PARM1: variants seen among roughly 807,000 people sequenced by gnomAD.
PARM1 encodes the protein prostate androgen-regulated mucin-like protein 1.
Under a neutral mutation model 24.6 loss-of-function variants are expected in PARM1, and 14 were observed. The ratio of observed to expected loss-of-function variants is 0.57; its 90% CI spans 0.38 to 0.89. The LOEUF is 0.89. PARM1 is among the 40% of genes least tolerant of loss of function. The pLI, the probability that PARM1 is intolerant of heterozygous loss-of-function variation, is 0.00. For synonymous variants in PARM1, 179 were observed against 156.6 expected (o/e 1.14, Z -1.07); for missense variants, 362 against 380.4 (o/e 0.95, Z 0.40).
intron 3 of PARM1, among the ~76,000 whole-genome samples, chr4:75,038,394 G>C (rs1723412526): frequency 6.6e-6 from 1 of 152,200 alleles, no homozygotes; most frequent in South Asian, 2.1e-4. Context: ...GTAGTTTTTA[G>C]AACAGTGCTT....
intron 1 of PARM1, among the ~76,000 whole-genome samples, chr4:74,961,004 C>CAAAAAAAAAAAAAAAAAA (rs1161009878): frequency 1.0e-5 from 1 of 95,592 alleles, no homozygotes; most frequent in African/African-American, 3.8e-5. Context: ...GACTCCGTCT[C>CAAAAAAAAAAAAAAAAAA]AAAAAAAAAA....
Position 75,012,780 on chromosome 4 carries a change from C to A in PARM1, c.399C>A (p.Gly133=). Residue 133 remains glycine (G), a synonymous_variant, in exon 2 of 4, where the codon GGC becomes GGA. Coordinates refer to ENST00000307428, the MANE Select transcript of PARM1 (RefSeq NM_015393.4). Reference sequence around the variant, plus strand: ...ACAGCTCGGGCACTCCTGAAGCAGGCGTGGCAGCTACACTGTCGCAGTCCG... The same window carrying A: ...ACAGCTCGGGCACTCCTGAAGCAGGAGTGGCAGCTACACTGTCGCAGTCCG... ...EEHSSGTPEA[G]VAATLSQSAA... 2.5e-6 allele frequency: 4 copies of A among 1,613,992 alleles called. No individual in the cohort carries two copies. Among genetic ancestry groups the A allele is most frequent in the Non-Finnish European group, 3.4e-6 (4 of 1,179,884 alleles).
At chr4:74,991,498 C>G (rs1317093234) in intron 1 of PARM1, among the ~76,000 whole-genome samples, 1 of 151,384 alleles carries the variant, frequency 6.6e-6, no homozygotes, top group Admixed American at 6.6e-5. Flanking sequence ...ATTCCTGAGG[C>G]AGAGTACCAG....
At chr4:75,031,699 A>G (rs1257388751) in intron 2 of PARM1, among the ~76,000 whole-genome samples, 1 of 152,220 alleles carries the variant, frequency 6.6e-6, no homozygotes, top group Non-Finnish European at 1.5e-5. Context: ...ATATTAAACT[A>G]TCCCTGGAGC....
At chr4:74,978,613 AATAG>A (rs1722184295) in intron 1 of PARM1, among the ~76,000 whole-genome samples, 1 of 152,218 alleles carries the variant, frequency 6.6e-6, no homozygotes, top group Non-Finnish European at 1.5e-5. Context: ...AAATGGAGCT[AATAG>A]ATATATACAA....
chr4:75,003,879 T>A (rs959637788), intron 1 of PARM1, among the ~76,000 whole-genome samples: 4 of 150,166 alleles, frequency 2.7e-5, no homozygotes, highest in African/African-American at 9.7e-5. Context: ...CATTTTAACA[T>A]TCTCTCTCTC....
At chr4:75,038,590 TC>T (rs1425157447) in intron 3 of PARM1, among the ~76,000 whole-genome samples, 1 of 152,238 alleles carries the variant, frequency 6.6e-6, no homozygotes, top group African/African-American at 2.4e-5. Flanking sequence ...TCTTCCATGT[TC>T]CAGTTTGGCA....
At chr4:75,007,058 G>A (rs1029598026) in intron 1 of PARM1, among the ~76,000 whole-genome samples, 2 of 152,118 alleles carry the variant, frequency 1.3e-5, no homozygotes, top group Non-Finnish European at 2.9e-5. Context: ...TCAAAAAGTG[G>A]GCGAAGGATA....
intron 2 of PARM1, among the ~76,000 whole-genome samples, chr4:75,023,309 C>A (rs1723122347): frequency 6.6e-6 from 1 of 152,210 alleles, no homozygotes; most frequent in Non-Finnish European, 1.5e-5. Context: ...CCATTTTCCT[C>A]ATCTATATGA....
intron 1 of PARM1, among the ~76,000 whole-genome samples, chr4:74,997,072 GC>G (rs1722588370): frequency 1.3e-5 from 2 of 152,182 alleles, no homozygotes; most frequent in African/African-American, 4.8e-5. Flanking sequence ...CAGCCCCCTA[GC>G]TACACCAGGC....
intron 1 of PARM1, among the ~76,000 whole-genome samples, chr4:74,950,723 T>C (rs1721505611): frequency 6.6e-6 from 1 of 152,250 alleles, no homozygotes; most frequent in Non-Finnish European, 1.5e-5. Context: ...CAAGATAGCA[T>C]TCACTATCAC....
At chr4:75,020,019 A>C in intron 2 of PARM1, among the ~76,000 whole-genome samples, 1 of 132,448 alleles carries the variant, frequency 7.6e-6, no homozygotes, top group African/African-American at 4.1e-5. Flanking sequence ...CAAAAAAAAA[A>C]AAAAAAAAAA....
chr4:74,956,205 G>C (rs1721629746), intron 1 of PARM1: 1 of 152,226 alleles, frequency 6.6e-6, no homozygotes, highest in Non-Finnish European at 1.5e-5. Flanking sequence ...AAGTCAGAGA[G>C]AAAAGTGCAG....
At position 74,964,797 on chromosome 4, in the gene PARM1, A is replaced by G. The variant is rs1036554151; in HGVS notation, c.43+31427A>G. Among the ~76,000 whole-genome samples the G allele has an allele frequency of 4.6e-5, 7 of 152,190 alleles. No individual in the cohort carries two copies. The East Asian group carries it at 5.8e-4, about 13-fold the overall frequency. On this transcript the variant is annotated intron_variant, in intron 1 of 3. Coordinates refer to ENST00000307428, the MANE Select transcript of PARM1 (RefSeq NM_015393.4). Reference sequence around the variant, plus strand: ...CATAAGTAAATAAAAGAAAAACTCTATTAATAGGTAGTGACTAGCAACTAA... The same window carrying G: ...CATAAGTAAATAAAAGAAAAACTCTGTTAATAGGTAGTGACTAGCAACTAA...
At chr4:74,977,807 A>C (rs1722168303) in intron 1 of PARM1, among the ~76,000 whole-genome samples, 1 of 152,222 alleles carries the variant, frequency 6.6e-6, no homozygotes, top group South Asian at 2.1e-4. Context: ...ATTGGGGGCC[A>C]ACATCAACAT....
At chr4:75,015,104 A>G (rs1331675753) in intron 2 of PARM1, among the ~76,000 whole-genome samples, 2 of 152,178 alleles carry the variant, frequency 1.3e-5, no homozygotes, top group Non-Finnish European at 2.9e-5. Context: ...TGTCCCCTTC[A>G]GGATACTTTA....
chr4:75,044,508 G>A (rs923975911), intron 3 of PARM1, among the ~76,000 whole-genome samples: 1 of 152,178 alleles, frequency 6.6e-6, no homozygotes, highest in African/African-American at 2.4e-5. Flanking sequence ...TCTGGGTGCT[G>A]GAGTTGGAGC....
chr4:74,961,465 A>T lies in PARM1; in HGVS notation c.43+28095A>T, dbSNP rs190820688. 5.3e-5 allele frequency among the ~76,000 whole-genome samples: 8 copies of T among 152,302 alleles called. No individual in the cohort carries two copies. The East Asian group carries it at 1.5e-3, about 29-fold the overall frequency. On this transcript the variant is annotated intron_variant, in intron 1 of 3. Transcript: ENST00000307428. ...TATAAACATTCAAGAAGCTCAACAA[A>T]CTGTAACTAAAATGGACTCAAAGAG...
In PARM1 at chr4:74,985,653, C is replaced by T. The variant is rs1722340732; in HGVS notation, c.44-26772C>T. Among the ~76,000 whole-genome samples the T allele has an allele frequency of 1.3e-5, 2 of 152,174 alleles. 1 individual carries two copies. The highest frequency in any genetic ancestry group is 4.1e-4 in the South Asian group (2 of 4,832). On this transcript the variant is annotated intron_variant, in intron 1 of 3. Transcript: ENST00000307428. Reference sequence around the variant, plus strand: ...GATTTAACCCTACTCTGTCTGAATGCAGGGCCCAAACAACATACAACTGCC... The same window carrying T: ...GATTTAACCCTACTCTGTCTGAATGTAGGGCCCAAACAACATACAACTGCC...
Sources: allele counts gnomAD v4.1 joint callset (sites outside exome capture counted in the v4.1 genomes callset), GRCh38; gene constraint gnomAD v4.1.1; transcripts MANE v1.5; gene names NCBI Gene and HGNC (gene_info 2026-07-23, HGNC 2026-07-21).